SV2B: variants seen among roughly 807,000 people sequenced by gnomAD.
SV2B encodes the protein solute carrier family 22 member B2.
In SV2B, 41 loss-of-function variants were observed where a neutral mutation model predicts 73.9. That is an observed-to-expected ratio of 0.56 (90% CI 0.43 to 0.72). SV2B has a LOEUF of 0.72. Among genes scored for constraint, SV2B ranks in the 30% least tolerant of loss-of-function variants. SV2B has a pLI of 0.00. For missense variants in SV2B, 764 were observed against 857.8 expected (o/e 0.89, Z 1.37); for synonymous variants, 314 against 314.2 (o/e 1.00, Z 0.01).
At chr15:91,178,825 G>A (rs1394715809) in intron 1 of SV2B, among the ~76,000 whole-genome samples, 4 of 142,726 alleles carry the variant, frequency 2.8e-5, no homozygotes, top group Non-Finnish European at 4.6e-5. Flanking sequence ...CAATTTTGTT[G>A]ATCCTTTCAA....
At chr15:91,189,289 C>T (rs1422267572) in intron 1 of SV2B, among the ~76,000 whole-genome samples, 1 of 152,164 alleles carries the variant, frequency 6.6e-6, no homozygotes, top group East Asian at 1.9e-4. Context: ...CCTCCGTCCC[C>T]ATTTACCTCC....
Position 91,122,758 on chromosome 15 carries a change from A to T in SV2B, c.-392+22395A>T, listed in dbSNP as rs938409114. ...ATTAAATGAAATACGCCGGGCACAG[A>T]GAGACAAACACTGCCTGATCTCACT... is the stretch of plus-strand genomic sequence containing the variant. On this transcript the variant is annotated intron_variant, in intron 1 of 12. Coordinates refer to ENST00000394232, the MANE Select transcript of SV2B (RefSeq NM_001323032.3). The surrounding 1 kb of genome is among the most constrained non-coding windows in gnomAD (Gnocchi z 4.3). 6.6e-6 allele frequency among the ~76,000 whole-genome samples: 1 copy of T among 152,236 alleles called. No individual in the cohort carries two copies. Among genetic ancestry groups the T allele is most frequent in the Admixed American group, 6.5e-5 (1 of 15,292 alleles).
intron 1 of SV2B, among the ~76,000 whole-genome samples, chr15:91,199,786 G>C (rs2045395478): frequency 6.6e-6 from 1 of 152,188 alleles, no homozygotes. Flanking sequence ...GACTTGGAGG[G>C]TTATTCTGGG....
At position 91,301,980 on chromosome 15, in the gene SV2B, C is replaced by T. The variant is rs2049457820; in HGVS notation, c.*9428C>T. Among the ~76,000 whole-genome samples the T allele has an allele frequency of 6.6e-6, 1 of 152,176 alleles. No individual in the cohort carries two copies. On this transcript the variant is annotated 3_prime_UTR_variant, in exon 13 of 13. Transcript: ENST00000394232. The surrounding 1 kb of genome is among the most constrained non-coding windows in gnomAD (Gnocchi z 4.3). ...CCTGGCATATAGTATGGTATAATCA[C>T]CCCACCAAACCTCTTCCAAAAGAAG...
Position 91,241,616 on chromosome 15 carries a change from G to A in SV2B, c.452-10203G>A, listed in dbSNP as rs1451632164. Among the ~76,000 whole-genome samples the A allele has an allele frequency of 6.6e-6, 1 of 152,116 alleles. No homozygotes were observed. The highest frequency in any genetic ancestry group is 2.4e-5 in the African/African-American group (1 of 41,416). ...ACTGAGAACAACAGAAGTAACCGGA[G>A]AAGAACTTCTATAGCCCCTGTTATC... On this transcript the variant is annotated intron_variant, in intron 2 of 12. Transcript: ENST00000394232. This position sits in a 1 kb window ranked among gnomAD's most constrained non-coding sequence, Gnocchi z 4.8.
At chr15:91,292,010 C>G (rs1182247501) in intron 12 of SV2B, among the ~76,000 whole-genome samples, 1 of 152,098 alleles carries the variant, frequency 6.6e-6, no homozygotes, top group Non-Finnish European at 1.5e-5. Flanking sequence ...AACACTTACA[C>G]TTTCTGCTTT....
intron 1 of SV2B, among the ~76,000 whole-genome samples, chr15:91,167,459 G>T (rs1441485228): frequency 6.6e-6 from 1 of 152,196 alleles, no homozygotes; most frequent in Non-Finnish European, 1.5e-5. Flanking sequence ...CTTTAAGAGA[G>T]AATACATTTC....
At position 91,128,132 on chromosome 15, in the gene SV2B, G is replaced by T. The variant is rs1021203744; in HGVS notation, c.-392+27769G>T. 2.6e-5 allele frequency among the ~76,000 whole-genome samples: 4 copies of T among 152,140 alleles called. No individual in the cohort carries two copies. Among genetic ancestry groups the T allele is most frequent in the African/African-American group, 9.7e-5 (4 of 41,438 alleles). ...AAATCTGGGATTGTGCAGAAACTGT[G>T]TTTCCACCCTCTGGGGACAAATCCC... On this transcript the variant is annotated intron_variant, in intron 1 of 12. Transcript: ENST00000394232. This position sits in a 1 kb window ranked among gnomAD's most constrained non-coding sequence, Gnocchi z 4.2.
chr15:91,208,538 G>A (rs2045728819), intron 1 of SV2B, among the ~76,000 whole-genome samples: 1 of 152,214 alleles, frequency 6.6e-6, no homozygotes, highest in Admixed American at 6.5e-5. Context: ...CTCTGGGGGT[G>A]GACCCTGGAT....
chr15:91,188,404 C>T (rs2044862633), intron 1 of SV2B, among the ~76,000 whole-genome samples: 1 of 152,144 alleles, frequency 6.6e-6, no homozygotes, highest in Non-Finnish European at 1.5e-5. Flanking sequence ...AGCTCCACTT[C>T]TCGGGCTCAC....
intron 1 of SV2B, among the ~76,000 whole-genome samples, chr15:91,183,486 A>T (rs187364751): frequency 1.3e-5 from 2 of 152,312 alleles, no homozygotes; most frequent in African/African-American, 4.8e-5. Context: ...TCTAGTTTTG[A>T]TATCCAGCTT....
At chr15:91,189,431 C>A (rs527837746) in intron 1 of SV2B, among the ~76,000 whole-genome samples, 1 of 150,976 alleles carries the variant, frequency 6.6e-6, no homozygotes, top group South Asian at 2.1e-4. Context: ...TTGTTTCTTC[C>A]TTTTTCACAC....
At chr15:91,263,873 T>C (rs1262931873) in intron 6 of SV2B, among the ~76,000 whole-genome samples, 1 of 152,278 alleles carries the variant, frequency 6.6e-6, no homozygotes, top group Admixed American at 6.5e-5. Flanking sequence ...GCCTTCTCTC[T>C]ATTCTTCTCC....
rs561128654 is a variant in SV2B, at chr15:91,253,400, C to T, written c.784+880C>T. On this transcript the variant is annotated intron_variant, in intron 4 of 12. Transcript: ENST00000394232. The surrounding 1 kb of genome is among the most constrained non-coding windows in gnomAD (Gnocchi z 5.0). ...TGTCTTGTTTTAAATATGACCCTCTCTGCTGTGCTTTCTCAGCTAATGGAG... is the reference window on the plus strand; with the variant it reads ...TGTCTTGTTTTAAATATGACCCTCTTTGCTGTGCTTTCTCAGCTAATGGAG... 1.3e-5 allele frequency among the ~76,000 whole-genome samples: 2 copies of T among 152,320 alleles called. No homozygotes were observed. The highest frequency in any genetic ancestry group is 3.9e-4 in the East Asian group (2 of 5,192).
At chr15:91,266,507 T>C in intron 6 of SV2B, 75 bp from the exon 7 acceptor site, 1 of 1,132,532 alleles carries the variant, frequency 8.8e-7, no homozygotes, top group Non-Finnish European at 1.3e-6. Flanking sequence ...TTTAAATAGT[T>C]ACATTAAACT....
chr15:91,143,491 C>T (rs2043057512), intron 1 of SV2B, among the ~76,000 whole-genome samples: 1 of 152,152 alleles, frequency 6.6e-6, no homozygotes, highest in Non-Finnish European at 1.5e-5. Flanking sequence ...TTGTTATTTT[C>T]ACATTGCTCC....
chr15:91,161,337 A>G (rs1043921797), intron 1 of SV2B, among the ~76,000 whole-genome samples: 4 of 152,240 alleles, frequency 2.6e-5, no homozygotes, highest in African/African-American at 4.8e-5. Flanking sequence ...AATGTTGAAT[A>G]AAAAGGAAAA....
chr15:91,270,457 A>C (rs1328909202), intron 9 of SV2B, among the ~76,000 whole-genome samples: 1 of 152,208 alleles, frequency 6.6e-6, no homozygotes, highest in Non-Finnish European at 1.5e-5. Context: ...TATACATAGA[A>C]ATATCTATCT....
rs974456285 is a variant in SV2B at position 91,284,501 on chromosome 15, A to T, written c.1708+280A>T. On this transcript the variant is annotated intron_variant, in intron 11 of 12. Transcript: ENST00000394232. This position sits in a 1 kb window ranked among gnomAD's most constrained non-coding sequence, Gnocchi z 4.5. Reference sequence around the variant, plus strand: ...TCATTTAATCTATTAGCACTTCAATAAGGGTAGTAATAATATCCACCCTGC... The same window carrying T: ...TCATTTAATCTATTAGCACTTCAATTAGGGTAGTAATAATATCCACCCTGC... 6.6e-6 allele frequency among the ~76,000 whole-genome samples: 1 copy of T among 152,188 alleles called. No homozygotes were observed. The highest frequency in any genetic ancestry group is 1.5e-5 in the Non-Finnish European group (1 of 68,036).
Sources: gnomAD v4.1 joint callset for allele counts (sites outside exome capture counted in the v4.1 genomes callset) on GRCh38, gnomAD v4.1.1 for gene constraint, Gnocchi (gnomAD v3.1) non-coding constraint, MANE v1.5 for transcripts, NCBI Gene and HGNC (gene_info 2026-07-23, HGNC 2026-07-21) for gene names.